Variants in SPTLC2 observed in about 807,000 individuals in gnomAD.
SPTLC2 encodes the protein serine palmitoyltransferase long chain base subunit 2.
SPTLC2 carries 21 observed loss-of-function variants against 62.0 expected under a neutral mutation model. The observed-to-expected ratio is 0.34, with a 90% CI of 0.24 to 0.49. The LOEUF (loss-of-function observed/expected upper bound fraction) is 0.49. SPTLC2 is among the 20% of genes least tolerant of loss of function. The pLI is 0.99. For synonymous variants in SPTLC2, 261 were observed against 261.8 expected (o/e 1.00, Z 0.03); for missense variants, 511 against 713.0 (o/e 0.72, Z 3.23).
Position 77,616,349 on chromosome 14 carries a change from C to A in SPTLC2, c.132+99G>T, listed in dbSNP as rs1043419183. On this transcript the variant is annotated intron_variant, in intron 1 of 11. Coordinates refer to ENST00000216484, the MANE Select transcript of SPTLC2 (RefSeq NM_004863.4). ...ACACCTGCGAACGGCGCCCGCCCCGCGGATTGCCCAGCGGATGGCCCGGAG... is the reference window on the plus strand; with the variant it reads ...ACACCTGCGAACGGCGCCCGCCCCGAGGATTGCCCAGCGGATGGCCCGGAG... The A allele has an allele frequency of 2.4e-5, 17 of 717,654 alleles. No homozygotes were observed. The East Asian group carries it at 7.5e-4, about 31-fold the overall frequency. 44.5% of individuals were successfully genotyped at this position (717,654 alleles called of 1,614,324 possible). A position where few individuals can be genotyped will look rare whatever the true frequency, so the allele number is the denominator to read the frequency against.
chr14:77,511,583 T>C lies in SPTLC2; in HGVS notation c.*701A>G, dbSNP rs2079332303. Reference sequence around the variant, plus strand: ...GTTAGAGCTTGGGAAGAACCAGAATTTGCGCACATCCTCAGACTGTGACCA... The same window carrying C: ...GTTAGAGCTTGGGAAGAACCAGAATCTGCGCACATCCTCAGACTGTGACCA... On this transcript the variant is annotated 3_prime_UTR_variant, in exon 12 of 12. Coordinates refer to ENST00000216484, the MANE Select transcript of SPTLC2 (RefSeq NM_004863.4). 1 of 153,464 alleles carries C rather than the reference T, an allele frequency of 6.5e-6. No homozygotes were observed. The highest frequency in any genetic ancestry group is 1.4e-5 in the Non-Finnish European group (1 of 69,010). The allele number at this position is 153,464 out of a possible 1,614,324, so 9.5% of individuals were successfully genotyped here.
In SPTLC2 at chr14:77,506,652, T is replaced by C. The variant is rs2079306953; in HGVS notation, c.*5632A>G. ...CCCTAGTCAGTGACATGTACTCCAC[T>C]TTCCAGGAAGACCTGGGCCAAATGA... On this transcript the variant is annotated 3_prime_UTR_variant, in exon 12 of 12. Coordinates refer to ENST00000216484, the MANE Select transcript of SPTLC2 (RefSeq NM_004863.4). 6.6e-6 allele frequency: 1 copy of C among 152,234 alleles called. No individual in the cohort carries two copies. 9.4% of individuals were successfully genotyped at this position (152,234 alleles called of 1,614,324 possible).
At chr14:77,558,508 C>T (rs77951138) in intron 6 of SPTLC2, among the ~76,000 whole-genome samples, 2,175 of 152,266 alleles carry the variant, frequency 0.014, 55 homozygotes, top group African/African-American at 0.05. Context: ...AAGGTTGTGA[C>T]TGTGCTTACA....
intron 3 of SPTLC2, among the ~76,000 whole-genome samples, chr14:77,577,168 A>G (rs544875092): frequency 2.0e-5 from 3 of 152,214 alleles, no homozygotes; most frequent in South Asian, 2.1e-4. Flanking sequence ...GACACTGTAC[A>G]TAAGAATATC....
At position 77,616,605 on chromosome 14, in the gene SPTLC2, C is replaced by G. The variant is rs748695967; in HGVS notation, c.-26G>C. ...CTTCCTGGCAGCACCAGGCGCAAGG[C>G]AGGCTCTGTAGGCGGTGGCAGCGGC... On this transcript the variant is annotated 5_prime_UTR_variant, in exon 1 of 12. Transcript: ENST00000216484. The G allele has an allele frequency of 3.3e-6, 5 of 1,536,068 alleles. No individual in the cohort carries two copies. The highest frequency in any genetic ancestry group is 2.7e-5 in the African/African-American group (2 of 73,008).
intron 9 of SPTLC2, among the ~76,000 whole-genome samples, chr14:77,526,016 G>C (rs1433425165): frequency 6.6e-6 from 1 of 152,136 alleles, no homozygotes; most frequent in African/African-American, 2.4e-5. Flanking sequence ...CTTAAAGCAG[G>C]AAATTTCTTA....
rs141530129 is a variant in SPTLC2, at chr14:77,528,003, T to C, written c.1304-6422A>G. ...TGTTGTTAACTGAAATCTTTCAAAA[T>C]AAAGGACACAAATATTAAGGATGTT... On this transcript the variant is annotated intron_variant, in intron 9 of 11. Coordinates refer to ENST00000216484, the MANE Select transcript of SPTLC2 (RefSeq NM_004863.4). 3.1e-3 allele frequency among the ~76,000 whole-genome samples: 473 copies of C among 152,282 alleles called. 1 individual carries two copies. Among genetic ancestry groups the C allele is most frequent in the Admixed American group, 5.9e-3 (90 of 15,296 alleles).
intron 5 of SPTLC2, among the ~76,000 whole-genome samples, chr14:77,564,400 T>TAC (rs6145397): frequency 0.021 from 2,862 of 139,248 alleles, 50 homozygotes; most frequent in African/African-American, 0.05. Context: ...TATGCATGCA[T>TAC]ACACACACAC....
chr14:77,588,272 C>T (rs2079793946), intron 2 of SPTLC2, among the ~76,000 whole-genome samples: 1 of 152,052 alleles, frequency 6.6e-6, no homozygotes, highest in African/African-American at 2.4e-5. Flanking sequence ...AGGAAATAGC[C>T]TTATGAGATA....
chr14:77,516,776 A>T (rs1338285715), intron 11 of SPTLC2, among the ~76,000 whole-genome samples: 1 of 152,248 alleles, frequency 6.6e-6, no homozygotes, highest in African/African-American at 2.4e-5. Context: ...GACAGATCTC[A>T]TGTTAAGTGT....
intron 9 of SPTLC2, among the ~76,000 whole-genome samples, chr14:77,534,162 TC>T (rs1290171169): frequency 2.7e-5 from 3 of 111,564 alleles, no homozygotes; most frequent in Non-Finnish European, 1.9e-5. Flanking sequence ...TGTCTCTCTC[TC>T]TTTCTCTCTC....
At chr14:77,588,702 G>GAA (rs72452367) in intron 2 of SPTLC2, among the ~76,000 whole-genome samples, 72 of 143,718 alleles carry the variant, frequency 5.0e-4, no homozygotes, top group African/African-American at 1.8e-3. Flanking sequence ...TCTCTGAAAA[G>GAA]AAAAAAAAAA....
intron 6 of SPTLC2, among the ~76,000 whole-genome samples, chr14:77,560,245 C>G (rs2079607260): frequency 6.6e-6 from 1 of 152,050 alleles, no homozygotes; most frequent in Admixed American, 6.6e-5. Context: ...CTATTCACAA[C>G]AGCAAAGACA....
intron 10 of SPTLC2, among the ~76,000 whole-genome samples, chr14:77,521,162 C>G (rs1045824464): frequency 2.0e-5 from 3 of 152,224 alleles, no homozygotes; most frequent in African/African-American, 7.2e-5. Flanking sequence ...ACTGTTGCCC[C>G]CTACTAGACT....
chr14:77,614,758 G>A (rs148668997), intron 1 of SPTLC2, among the ~76,000 whole-genome samples: 58 of 151,276 alleles, frequency 3.8e-4, no homozygotes, highest in Admixed American at 1.1e-3. Context: ...ATCACCTGAG[G>A]TCAGGAGTTC....
At chr14:77,572,411 T>A (rs2079689092) in intron 4 of SPTLC2, among the ~76,000 whole-genome samples, 1 of 152,200 alleles carries the variant, frequency 6.6e-6, no homozygotes. Context: ...CGGGTTCCAT[T>A]GTGTCCCACC....
At chr14:77,536,335 CTGTT>C (rs148652306) in intron 9 of SPTLC2, among the ~76,000 whole-genome samples, 139 of 151,862 alleles carry the variant, frequency 9.2e-4, no homozygotes, top group Admixed American at 2.6e-3. Context: ...ATAGGTGACA[CTGTT>C]TGCTCACTGT....
intron 2 of SPTLC2, among the ~76,000 whole-genome samples, chr14:77,580,758 C>CT (rs2079745600): frequency 6.6e-6 from 1 of 151,964 alleles, no homozygotes; most frequent in Admixed American, 6.5e-5. Context: ...TGGTTCATGC[C>CT]TGTAGTCCCA....
chr14:77,595,837 T>TA (rs2079844017), intron 2 of SPTLC2, among the ~76,000 whole-genome samples: 2 of 152,202 alleles, frequency 1.3e-5, no homozygotes, highest in Admixed American at 6.5e-5. Context: ...TCTAATGTCT[T>TA]AAGTCCTTCT....
Sources: allele counts gnomAD v4.1 joint callset (sites outside exome capture counted in the v4.1 genomes callset), GRCh38; gene constraint gnomAD v4.1.1; transcripts MANE v1.5; gene names NCBI Gene and HGNC (gene_info 2026-07-23, HGNC 2026-07-21).